SLC24A3: variants seen among roughly 807,000 people sequenced by gnomAD.
The protein encoded by SLC24A3 is solute carrier family 24 member 3, also known as sodium/potassium/calcium exchanger 3.
In SLC24A3, 28 loss-of-function variants were observed where a neutral mutation model predicts 75.8. That is an observed-to-expected ratio of 0.37 (90% confidence interval 0.27 to 0.51). The LOEUF (loss-of-function observed/expected upper bound fraction) is 0.51, where lower values mean the gene tolerates loss of function less well. Among genes scored for constraint, SLC24A3 ranks in the 20% least tolerant of loss-of-function variants. The pLI is 0.94. For missense variants in SLC24A3, 663 were observed against 847.8 expected (o/e 0.78, Z 2.71); for synonymous variants, 372 against 334.1 (o/e 1.11, Z -1.24).
chr20:19,691,114 G>A (rs190554140), intron 12 of SLC24A3, among the ~76,000 whole-genome samples: 1 of 152,266 alleles, frequency 6.6e-6, no homozygotes, highest in African/African-American at 2.4e-5. Context: ...GAGGGAGACT[G>A]AAAATAAATT....
At chr20:19,455,147 G>T (rs1196505984) in intron 2 of SLC24A3, among the ~76,000 whole-genome samples, 2 of 152,204 alleles carry the variant, frequency 1.3e-5, no homozygotes, top group Admixed American at 1.3e-4. Context: ...TGAGCACCAT[G>T]CTCGGAGGAG....
At chr20:19,310,356 A>G (rs1013416618) in intron 2 of SLC24A3, among the ~76,000 whole-genome samples, 1 of 152,226 alleles carries the variant, frequency 6.6e-6, no homozygotes, top group Non-Finnish European at 1.5e-5. Context: ...CCAGGTGGTC[A>G]TGTGCACAGA....
At chr20:19,640,926 T>G (rs931066339) in intron 6 of SLC24A3, among the ~76,000 whole-genome samples, 2 of 152,228 alleles carry the variant, frequency 1.3e-5, no homozygotes, top group Non-Finnish European at 2.9e-5. Flanking sequence ...TGCAACCAAA[T>G]GCACCCTTAG....
chr20:19,509,143 C>A (rs1265878282), intron 2 of SLC24A3, among the ~76,000 whole-genome samples: 1 of 152,186 alleles, frequency 6.6e-6, no homozygotes, highest in Admixed American at 6.5e-5. Context: ...AACAACCCTG[C>A]AGGGATGACA....
Position 19,707,040 on chromosome 20 carries a change from A to G in SLC24A3, c.1719+8360A>G, listed in dbSNP as rs151278181. Among the ~76,000 whole-genome samples the G allele has an allele frequency of 4.6e-3, 693 of 152,250 alleles. 1 individual carries two copies. Among genetic ancestry groups the G allele is most frequent in the Non-Finnish European group, 8.2e-3 (556 of 68,004 alleles). ...ATTCTCTTTGGACCACTGGCTTCTC[A>G]AGACACAGTCTTCTCATGATGTGTC... On this transcript the variant is annotated intron_variant, in intron 15 of 16. Coordinates refer to ENST00000328041, the MANE Select transcript of SLC24A3 (RefSeq NM_020689.4).
chr20:19,354,630 G>T (rs1012963862), intron 2 of SLC24A3, among the ~76,000 whole-genome samples: 2 of 150,808 alleles, frequency 1.3e-5, no homozygotes, highest in African/African-American at 2.5e-5. Flanking sequence ...GTGTATGTGT[G>T]TATGACCCAG....
chr20:19,635,512 A>G (rs1482744879), intron 6 of SLC24A3, among the ~76,000 whole-genome samples: 1 of 152,236 alleles, frequency 6.6e-6, no homozygotes, highest in Non-Finnish European at 1.5e-5. Context: ...TTAGTTATGT[A>G]AAACAACCAC....
chr20:19,608,175 G>C (rs2031623063), intron 6 of SLC24A3, among the ~76,000 whole-genome samples: 1 of 152,156 alleles, frequency 6.6e-6, no homozygotes, highest in Non-Finnish European at 1.5e-5. Context: ...CAATCTTTCG[G>C]TTTTATCTTG....
intron 9 of SLC24A3, among the ~76,000 whole-genome samples, chr20:19,679,738 A>T (rs1405311942): frequency 6.6e-6 from 1 of 152,242 alleles, no homozygotes; most frequent in Non-Finnish European, 1.5e-5. Flanking sequence ...GTGGCCTCAC[A>T]AATGTCTTTT....
intron 2 of SLC24A3, among the ~76,000 whole-genome samples, chr20:19,414,971 G>T (rs968061307): frequency 1.3e-5 from 2 of 152,112 alleles, no homozygotes; most frequent in Admixed American, 1.3e-4. Flanking sequence ...ATCACTTCAT[G>T]AATTTTATAT....
chr20:19,651,785 T>C (rs927825425), intron 6 of SLC24A3, among the ~76,000 whole-genome samples: 1 of 149,538 alleles, frequency 6.7e-6, no homozygotes, highest in Non-Finnish European at 1.5e-5. Context: ...GGTGTGAACC[T>C]GTGAGGCAGA....
chr20:19,483,428 A>G (rs1212271051), intron 2 of SLC24A3, among the ~76,000 whole-genome samples: 1 of 152,240 alleles, frequency 6.6e-6, no homozygotes, highest in Non-Finnish European at 1.5e-5. Context: ...GAATTTGGCT[A>G]TCACATTTCA....
intron 2 of SLC24A3, among the ~76,000 whole-genome samples, chr20:19,433,198 T>A (rs1987134537): frequency 6.6e-6 from 1 of 152,200 alleles, no homozygotes; most frequent in African/African-American, 2.4e-5. Flanking sequence ...ATCACCCTGT[T>A]ACTTATTAAT....
At chr20:19,459,788 G>T (rs1185884749) in intron 2 of SLC24A3, among the ~76,000 whole-genome samples, 1 of 152,166 alleles carries the variant, frequency 6.6e-6, no homozygotes, top group Non-Finnish European at 1.5e-5. Flanking sequence ...TCTTCCTTCT[G>T]CTGGTATCAC....
chr20:19,693,157 G>A (rs1232026119), intron 12 of SLC24A3, 102 bp from the exon 13 acceptor site: 93 of 1,257,740 alleles, frequency 7.4e-5, no homozygotes, highest in Non-Finnish European at 9.6e-5. Flanking sequence ...GTTTAATTCT[G>A]GGGAAAGCAG....
intron 7 of SLC24A3, among the ~76,000 whole-genome samples, chr20:19,661,680 C>G (rs1382259814): frequency 1.3e-5 from 2 of 152,228 alleles, no homozygotes; most frequent in African/African-American, 2.4e-5. Context: ...GAAGTCTTAG[C>G]TTCAGCAATG....
At position 19,521,395 on chromosome 20, in the gene SLC24A3, G is replaced by T. The variant is rs1343226478; in HGVS notation, c.348+5831G>T. ...CCCTGGGTCAGGTCTTAACCAGTCA[G>T]TGTGACCAAATCACACAGGTTTCCA... On this transcript the variant is annotated intron_variant, in intron 3 of 16. Coordinates refer to ENST00000328041, the MANE Select transcript of SLC24A3 (RefSeq NM_020689.4). 2.0e-5 allele frequency among the ~76,000 whole-genome samples: 3 copies of T among 152,352 alleles called. No homozygotes were observed. In the East Asian group the frequency reaches 5.8e-4, roughly 29 times the overall value.
intron 2 of SLC24A3, among the ~76,000 whole-genome samples, chr20:19,448,659 G>T (rs899100281): frequency 2.0e-5 from 3 of 152,168 alleles, no homozygotes; most frequent in Admixed American, 1.3e-4. Flanking sequence ...TATGAGACTG[G>T]GTTCAAGCTA....
intron 4 of SLC24A3, among the ~76,000 whole-genome samples, chr20:19,580,690 C>G (rs1485542784): frequency 1.3e-5 from 2 of 152,204 alleles, no homozygotes; most frequent in Non-Finnish European, 2.9e-5. Context: ...CTTTCATTCT[C>G]TTGCCTCTTT....
Sources: allele counts gnomAD v4.1 joint callset (sites outside exome capture counted in the v4.1 genomes callset), GRCh38; gene constraint gnomAD v4.1.1; transcripts MANE v1.5; gene names NCBI Gene and HGNC (gene_info 2026-07-23, HGNC 2026-07-21).